Variants in PAPSS2 observed in about 807,000 individuals in gnomAD.
The protein encoded by PAPSS2 is bifunctional 3'-phosphoadenosine 5'-phosphosulfate synthase 2.
A neutral mutation model predicts 66.5 loss-of-function variants in PAPSS2; 61 were observed. The ratio of observed to expected loss-of-function variants is 0.92; its 90% CI spans 0.75 to 1.14. PAPSS2 has a LOEUF of 1.14. Ranked by LOEUF, PAPSS2 falls within the 50% of genes most tolerant of loss-of-function variation. The pLI, the probability that PAPSS2 is intolerant of heterozygous loss-of-function variation, is 0.00. For missense variants in PAPSS2, 708 were observed against 789.6 expected (o/e 0.90, Z 1.24); for synonymous variants, 289 against 287.5 (o/e 1.01, Z -0.05).
chr10:87,709,573 G>A (rs1260986360), intron 2 of PAPSS2, among the ~76,000 whole-genome samples: 1 of 152,156 alleles, frequency 6.6e-6, no homozygotes, highest in Non-Finnish European at 1.5e-5. Flanking sequence ...TGGCAGGAAA[G>A]GACGGGACAA....
intron 1 of PAPSS2, among the ~76,000 whole-genome samples, chr10:87,675,701 G>A (rs746726027): frequency 3.3e-5 from 5 of 152,146 alleles, no homozygotes; most frequent in African/African-American, 2.4e-5. Flanking sequence ...TAGAGATTAC[G>A]TAGTCCAGTT....
At chr10:87,695,013 C>A (rs751737622) in intron 1 of PAPSS2, among the ~76,000 whole-genome samples, 82 of 152,178 alleles carry the variant, frequency 5.4e-4, no homozygotes, top group Admixed American at 1.7e-3. Context: ...AGCATAGTCA[C>A]AAAGAGAGGC....
In PAPSS2 at chr10:87,715,953, CA is replaced by C. The variant is rs1411508625; in HGVS notation, c.865+114del. 6.3e-5 allele frequency: 47 copies of C among 745,012 alleles called. No homozygotes were observed. In the East Asian group the frequency reaches 1.2e-3, roughly 19 times the overall value. The allele number at this position is 745,012 out of a possible 1,614,324, so 46.2% of individuals were successfully genotyped here. A position where few individuals can be genotyped will look rare whatever the true frequency, so the allele number is the denominator to read the frequency against. ...AGTCTTTAGTTTGCAAATCTTATTG[CA>C]AAACTGTTTGGATCATTTACAGTGT... On this transcript the variant is annotated intron_variant, in intron 7 of 12. Coordinates refer to ENST00000456849, the MANE Select transcript of PAPSS2 (RefSeq NM_001015880.2).
intron 1 of PAPSS2, among the ~76,000 whole-genome samples, chr10:87,695,889 C>CATTTTTAAAAA (rs1564714977): frequency 7.9e-5 from 12 of 152,286 alleles, no homozygotes; most frequent in African/African-American, 2.6e-4. Context: ...TAAGGAGATG[C>CATTTTTAAAAA]TTTTTAAAAA....
At chr10:87,733,134 G>T (rs1408242161) in intron 9 of PAPSS2, among the ~76,000 whole-genome samples, 1 of 152,174 alleles carries the variant, frequency 6.6e-6, no homozygotes, top group African/African-American at 2.4e-5. Context: ...ACTTCTGCGG[G>T]AATCCTGGGC....
intron 7 of PAPSS2, among the ~76,000 whole-genome samples, chr10:87,718,704 G>A (rs1355488413): frequency 6.6e-6 from 1 of 152,220 alleles, no homozygotes; most frequent in Non-Finnish European, 1.5e-5. Flanking sequence ...TTTGGTGCCA[G>A]TAGGGCTTTT....
At chr10:87,703,444 C>A (rs113551777) in intron 1 of PAPSS2, among the ~76,000 whole-genome samples, 1,800 of 152,148 alleles carry the variant, frequency 0.012, 16 homozygotes, top group Non-Finnish European at 0.02. Context: ...TTCAAACTAC[C>A]ATCACTTCTC....
At chr10:87,662,880 CT>C (rs796467803) in intron 1 of PAPSS2, among the ~76,000 whole-genome samples, 4,065 of 146,380 alleles carry the variant, frequency 0.028, 185 homozygotes, top group African/African-American at 0.092. Flanking sequence ...TTCTTTCTTT[CT>C]TTTTTTTTTT....
intron 1 of PAPSS2, among the ~76,000 whole-genome samples, chr10:87,663,657 C>G (rs1564705937): frequency 6.6e-6 from 1 of 152,154 alleles, no homozygotes; most frequent in Non-Finnish European, 1.5e-5. Flanking sequence ...TTGACCCCCT[C>G]CGTACTTCTG....
chr10:87,698,073 A>T (rs555683852), intron 1 of PAPSS2, among the ~76,000 whole-genome samples: 2 of 152,352 alleles, frequency 1.3e-5, no homozygotes, highest in South Asian at 2.1e-4. Context: ...GAATTTTTTT[A>T]AAAAGATGCC....
In PAPSS2 at chr10:87,743,396, C is replaced by T. The variant is rs374301331; in HGVS notation, c.1246C>T (p.Arg416Cys). ...AGATGCGGTGTTTGCATTCCAGTTGCGCAATCCTGTCCACAATGGCCATGC... is the reference window on the plus strand; with the variant it reads ...AGATGCGGTGTTTGCATTCCAGTTGTGCAATCCTGTCCACAATGGCCATGC... The part of the protein sequence containing the change: ...NADAVFAFQL[R>C]NPVHNGHALL... The change falls in exon 11 of 13, where the codon CGC (arginine) becomes TGC (cysteine). Residue 416 changes from arginine to cysteine, a missense_variant. Physicochemically the swap from Arg to Cys is radical, Grantham distance 180. Transcript: ENST00000456849. 7.2e-5 allele frequency: 116 copies of T among 1,613,952 alleles called. No homozygotes were observed. The South Asian group carries it at 8.6e-4, about 12-fold the overall frequency.
At chr10:87,707,001 T>G (rs1853399628) in intron 1 of PAPSS2, among the ~76,000 whole-genome samples, 1 of 151,802 alleles carries the variant, frequency 6.6e-6, no homozygotes, top group African/African-American at 2.4e-5. Context: ...CTTTAGAGAG[T>G]TTTAGGTAAC....
chr10:87,725,884 T>TACACACACACACACACACACAC (rs60791274), intron 8 of PAPSS2, among the ~76,000 whole-genome samples: 1,761 of 140,396 alleles, frequency 0.013, 22 homozygotes, highest in African/African-American at 0.023. Context: ...TATGTGTGTA[T>TACACACACACACACACACACAC]ACACACACAC....
rs1041278668 is a variant in PAPSS2, at chr10:87,747,615, C to T, written c.*1645C>T. The T allele has an allele frequency of 6.6e-6, 1 of 152,432 alleles. No homozygotes were observed. The highest frequency in any genetic ancestry group is 2.4e-5 in the African/African-American group (1 of 41,404). The allele number at this position is 152,432 out of a possible 1,614,324, so 9.4% of individuals were successfully genotyped here. A position where few individuals can be genotyped will look rare whatever the true frequency, so the allele number is the denominator to read the frequency against. On this transcript the variant is annotated 3_prime_UTR_variant, in exon 13 of 13. Transcript: ENST00000456849. ...GACTTAAAAAATACATTTAAAACTG[C>T]TCTTCTGCTCTAGTACCATGCTTAG... is the stretch of plus-strand genomic sequence containing the variant.
intron 2 of PAPSS2, among the ~76,000 whole-genome samples, chr10:87,709,700 G>A (rs1398619031): frequency 2.0e-5 from 3 of 152,208 alleles, no homozygotes; most frequent in East Asian, 1.9e-4. Context: ...CAAGCATTTG[G>A]CTGTCCATAA....
chr10:87,714,178 T>C lies in PAPSS2; in HGVS notation c.516T>C (p.Ile172=), dbSNP rs1465897268. ...GLYKRARAGE[I]KGFTGIDSDY... ...ATAAAAGGGCCAGAGCTGGGGAGAT[T>C]AAAGGTAAGAGAATTGGCTAGTAGC... Residue 172 remains isoleucine (I), a synonymous_variant, in exon 4 of 13, where the codon ATT becomes ATC. Coordinates refer to ENST00000456849, the MANE Select transcript of PAPSS2 (RefSeq NM_001015880.2). 5 of 1,613,042 alleles carry C rather than the reference T, an allele frequency of 3.1e-6. No individual in the cohort carries two copies. The highest frequency in any genetic ancestry group is 4.2e-6 in the Non-Finnish European group (5 of 1,179,832).
At chr10:87,674,048 G>A (rs1852913854) in intron 1 of PAPSS2, among the ~76,000 whole-genome samples, 1 of 152,096 alleles carries the variant, frequency 6.6e-6, no homozygotes, top group Non-Finnish European at 1.5e-5. Flanking sequence ...GTGGTCTAAT[G>A]TTCTACCCTT....
At chr10:87,705,406 G>A (rs1264849220) in intron 1 of PAPSS2, among the ~76,000 whole-genome samples, 2 of 152,206 alleles carry the variant, frequency 1.3e-5, no homozygotes, top group South Asian at 2.1e-4. Flanking sequence ...TCTAGTGCAA[G>A]TCTTTTTGTG....
At chr10:87,707,837 G>T (rs1243359542) in intron 1 of PAPSS2, among the ~76,000 whole-genome samples, 1 of 152,094 alleles carries the variant, frequency 6.6e-6, no homozygotes, top group African/African-American at 2.4e-5. Context: ...CTCCCAAAGT[G>T]CTGGGATTAC....
Sources: allele counts gnomAD v4.1 joint callset (sites outside exome capture counted in the v4.1 genomes callset), GRCh38; gene constraint gnomAD v4.1.1; transcripts MANE v1.5; gene names NCBI Gene and HGNC (gene_info 2026-07-23, HGNC 2026-07-21).